Variants in CNTN1 observed in about 807,000 individuals in gnomAD.
The protein encoded by CNTN1 is contactin 1.
Under a neutral mutation model 126.4 loss-of-function variants are expected in CNTN1, and 38 were observed. The ratio of observed to expected loss-of-function variants is 0.30; its 90% confidence interval spans 0.23 to 0.39. The LOEUF (loss-of-function observed/expected upper bound fraction) is 0.39. Among genes scored for constraint, CNTN1 ranks in the 10% least tolerant of loss-of-function variants. The pLI is 1.00. For synonymous variants in CNTN1, 413 were observed against 422.6 expected, an observed-to-expected ratio of 0.98 and a Z score of 0.28; for missense variants, 1,009 against 1,248.4, an observed-to-expected ratio of 0.81 and a Z score of 2.89.
intron 1 of CNTN1, among the ~76,000 whole-genome samples, chr12:40,751,611 C>G (rs954206937): frequency 3.9e-5 from 6 of 151,982 alleles, no homozygotes; most frequent in Admixed American, 2.6e-4. Context: ...CCAGGCAACC[C>G]TGGTTTTCAG....
chr12:40,971,841 T>C (rs1246294185), intron 15 of CNTN1: 2 of 1,128,322 alleles, frequency 1.8e-6, no homozygotes, highest in African/African-American at 1.7e-5. Flanking sequence ...GAAAAACGTA[T>C]GAAGAACTGA....
intron 23 of CNTN1, among the ~76,000 whole-genome samples, chr12:41,056,918 AATATTTAGATATTTATAAATATTTAT>A (rs1949818997): frequency 7.3e-4 from 51 of 69,928 alleles, no homozygotes; most frequent in African/African-American, 1.8e-3. Flanking sequence ...AAATATTTAT[AATATTTAGATATTTATAAATATTTAT>A]AATATTTAGA....
At chr12:40,850,450 G>A (rs1297875950) in intron 1 of CNTN1, among the ~76,000 whole-genome samples, 2 of 152,064 alleles carry the variant, frequency 1.3e-5, no homozygotes, top group African/African-American at 4.8e-5. Context: ...GGTAAAAGGA[G>A]TGAGTAGTTA....
At chr12:40,973,079 A>T (rs937492103) in intron 15 of CNTN1, among the ~76,000 whole-genome samples, 1 of 152,094 alleles carries the variant, frequency 6.6e-6, no homozygotes, top group African/African-American at 2.4e-5. Context: ...GGACAACCTT[A>T]AACTATATCA....
chr12:40,944,248 C>A, intron 14 of CNTN1, 78 bp downstream of exon 14: 2 of 1,313,890 alleles, frequency 1.5e-6, no homozygotes, highest in South Asian at 1.2e-5. Context: ...TTACTATAAT[C>A]ACATTTTATA....
At chr12:41,069,178 TA>T (rs1188813210) in intron 23 of CNTN1, among the ~76,000 whole-genome samples, 1 of 152,158 alleles carries the variant, frequency 6.6e-6, no homozygotes, top group African/African-American at 2.4e-5. Flanking sequence ...ACCCAAGACG[TA>T]AATTAAGTCC....
intron 1 of CNTN1, among the ~76,000 whole-genome samples, chr12:40,796,322 T>A (rs998468123): frequency 6.6e-5 from 10 of 152,020 alleles, no homozygotes; most frequent in Non-Finnish European, 1.2e-4. Context: ...CATACTTTAA[T>A]AGATTTGCTT....
chr12:41,039,080 A>G (rs993334656), intron 23 of CNTN1, among the ~76,000 whole-genome samples: 15 of 152,214 alleles, frequency 9.9e-5, no homozygotes, highest in African/African-American at 3.6e-4. Context: ...ATAGAGTTTT[A>G]TAGGTCCTGA....
chr12:40,873,811 C>T (rs2136677409), intron 1 of CNTN1, among the ~76,000 whole-genome samples: 1 of 152,140 alleles, frequency 6.6e-6, no homozygotes, highest in South Asian at 2.1e-4. Flanking sequence ...ACTCTGTAGA[C>T]TAAAAATCTG....
At chr12:41,057,747 T>C (rs1224878826) in intron 23 of CNTN1, among the ~76,000 whole-genome samples, 1 of 152,124 alleles carries the variant, frequency 6.6e-6, no homozygotes, top group Non-Finnish European at 1.5e-5. Context: ...CTTTTTGTTT[T>C]CTGGCGTTTT....
At chr12:40,951,592 C>G (rs1266025897) in intron 14 of CNTN1, among the ~76,000 whole-genome samples, 1 of 150,524 alleles carries the variant, frequency 6.6e-6, no homozygotes, top group Non-Finnish European at 1.5e-5. Flanking sequence ...ACCTGTAATC[C>G]CAGCTACTCG....
intron 1 of CNTN1, among the ~76,000 whole-genome samples, chr12:40,698,012 G>A (rs1317251298): frequency 1.3e-5 from 2 of 152,116 alleles, no homozygotes; most frequent in African/African-American, 2.4e-5. Context: ...TTTCACTCCT[G>A]TACTTGATTT....
chr12:41,003,152 CG>C (rs1287566167), intron 17 of CNTN1, among the ~76,000 whole-genome samples: 1 of 151,956 alleles, frequency 6.6e-6, no homozygotes, highest in African/African-American at 2.4e-5. Context: ...TTTTACATGA[CG>C]GGGTGTTGAA....
intron 1 of CNTN1, among the ~76,000 whole-genome samples, chr12:40,898,740 A>G (rs371542932): frequency 2.6e-5 from 4 of 152,332 alleles, no homozygotes. Flanking sequence ...AACAGCAGCT[A>G]ATAGGAGTTA....
intron 1 of CNTN1, among the ~76,000 whole-genome samples, chr12:40,815,148 C>T (rs1941216380): frequency 6.6e-6 from 1 of 152,074 alleles, no homozygotes; most frequent in South Asian, 2.1e-4. Flanking sequence ...TCTTAGATTC[C>T]ATATGAAATT....
intron 23 of CNTN1, among the ~76,000 whole-genome samples, chr12:41,033,495 TCTTTA>T (rs201986785): frequency 0.013 from 2,027 of 152,250 alleles, 51 homozygotes; most frequent in African/African-American, 0.047. Flanking sequence ...ATATTTTAAG[TCTTTA>T]CTTTTCTTTT....
chr12:40,762,612 G>C (rs1938908987), intron 1 of CNTN1, among the ~76,000 whole-genome samples: 1 of 152,118 alleles, frequency 6.6e-6, no homozygotes, highest in East Asian at 1.9e-4. Context: ...ACGTTCTACT[G>C]CATAGAATAG....
intron 1 of CNTN1, among the ~76,000 whole-genome samples, chr12:40,830,751 ATC>A (rs1282051983): frequency 7.1e-6 from 1 of 141,030 alleles, no homozygotes; most frequent in South Asian, 2.3e-4. Flanking sequence ...TGAAGTAGAA[ATC>A]TCTCTATATA....
chr12:40,695,437 G>T (rs953044523), intron 1 of CNTN1, among the ~76,000 whole-genome samples: 9 of 152,108 alleles, frequency 5.9e-5, no homozygotes, highest in African/African-American at 2.2e-4. Context: ...CTTGTATCTT[G>T]TGTCCCTTGA....
Sources: allele counts gnomAD v4.1 joint callset (sites outside exome capture counted in the v4.1 genomes callset), GRCh38; gene constraint gnomAD v4.1.1; transcripts MANE v1.5; gene names NCBI Gene and HGNC (gene_info 2026-07-23, HGNC 2026-07-21).